FNDC7: variants seen among roughly 807,000 people sequenced by gnomAD.
The protein encoded by FNDC7 is fibronectin type III domain containing 7.
FNDC7 carries 66 observed loss-of-function variants against 74.2 expected under a neutral mutation model. The observed-to-expected ratio is 0.89, with a 90% CI of 0.73 to 1.09. The LOEUF is 1.09. FNDC7 is among the 50% of genes least tolerant of loss of function. The probability of loss-of-function intolerance (pLI) is 0.00; values close to 1 mark genes in which losing one functional copy is unlikely to be tolerated. For missense variants in FNDC7, 829 were observed against 893.4 expected, an observed-to-expected ratio of 0.93 and a Z score of 0.92; for synonymous variants, 307 against 330.2, an observed-to-expected ratio of 0.93 and a Z score of 0.76.
chr1:108,733,437 C>T lies in FNDC7; in HGVS notation c.2045C>T (p.Thr682Ile), dbSNP rs142066794. ...PSAGLSFCDV[T>I]EIPCGDVYTV... Reference sequence around the variant, plus strand: ...GCTGGCCTCAGTTTCTGTGATGTCACTGAGATACCCTGTGGGGATGTATAC... The same window carrying T: ...GCTGGCCTCAGTTTCTGTGATGTCATTGAGATACCCTGTGGGGATGTATAC... Residue 682 changes from threonine (T) to isoleucine (I), a missense_variant, in exon 10 of 13, where the codon ACT (threonine) becomes ATT (isoleucine). Physicochemically the swap from Thr to Ile is moderately conservative, Grantham distance 89 (BLOSUM62 -1). Transcript: ENST00000370017. The T allele has an allele frequency of 1.2e-6, 2 of 1,614,122 alleles. No individual in the cohort carries two copies. Among genetic ancestry groups the T allele is most frequent in the Non-Finnish European group, 8.5e-7 (1 of 1,180,032 alleles).
chr1:108,737,207 G>A (rs1661536074), intron 10 of FNDC7, among the ~76,000 whole-genome samples: 1 of 152,042 alleles, frequency 6.6e-6, no homozygotes, highest in Admixed American at 6.6e-5. Flanking sequence ...CCTGACCTCA[G>A]GTATCTGCCC....
rs1186033079 is a variant in FNDC7, at chr1:108,728,082, A to G, written c.1369+17A>G. ...TAACCACAGGTAAGGCACAGCTATC[A>G]TTCCACTCACTGGTGTCTGAATGAT... On this transcript the variant is annotated intron_variant, in intron 7 of 12. Transcript: ENST00000370017. 2.5e-6 allele frequency: 4 copies of G among 1,607,382 alleles called. No individual in the cohort carries two copies. The highest frequency in any genetic ancestry group is 3.4e-6 in the Non-Finnish European group (4 of 1,176,070).
chr1:108,728,177 A>G (rs1661262209), intron 7 of FNDC7, 112 bp downstream of exon 7: 2 of 1,330,486 alleles, frequency 1.5e-6, no homozygotes, highest in Non-Finnish European at 2.1e-6. Flanking sequence ...CCATTAATCA[A>G]TCTTTGTGGA....
chr1:108,727,325 T>C lies in FNDC7; in HGVS notation c.1112-483T>C, dbSNP rs552194371. Among the ~76,000 whole-genome samples, 6 of 152,042 alleles carry C rather than the reference T, an allele frequency of 3.9e-5. No homozygotes were observed. The East Asian group carries it at 1.2e-3, about 29-fold the overall frequency. On this transcript the variant is annotated intron_variant, in intron 6 of 12. Transcript: ENST00000370017. ...GGGTGGCAGAGCAAGACCCTGTCTC[T>C]TTGAAAAAACAAAACAACAACAACA...
intron 2 of FNDC7, among the ~76,000 whole-genome samples, chr1:108,715,917 T>G (rs1570722859): frequency 1.3e-5 from 2 of 152,058 alleles, no homozygotes; most frequent in East Asian, 3.9e-4. Context: ...TCCAAACCCT[T>G]TGCTATTTTC....
chr1:108,718,140 A>G (rs1661020507), intron 3 of FNDC7, 109 bp downstream of exon 3: 12 of 1,370,246 alleles, frequency 8.8e-6, no homozygotes, highest in East Asian at 5.0e-5. Flanking sequence ...AGTGCCTACA[A>G]TTCAAGGCCC....
chr1:108,724,034 T>A (rs749515873), intron 5 of FNDC7, among the ~76,000 whole-genome samples: 4 of 152,232 alleles, frequency 2.6e-5, no homozygotes, highest in Non-Finnish European at 5.9e-5. Flanking sequence ...CTACGGTGTG[T>A]CTCCTGGGGC....
Position 108,742,577 on chromosome 1 carries a change from G to C in FNDC7, c.*690G>C, listed in dbSNP as rs1179939506. The C allele has an allele frequency of 6.6e-6, 1 of 152,212 alleles. No homozygotes were observed. The highest frequency in any genetic ancestry group is 1.5e-5 in the Non-Finnish European group (1 of 68,050). The allele number at this position is 152,212 out of a possible 1,614,324, so 9.4% of individuals were successfully genotyped here. ...GGTTGCAGTTATGCTTTCTGCATGA[G>C]AGAAGATGTCAAATGGAGAGCCTCA... On this transcript the variant is annotated 3_prime_UTR_variant, in exon 13 of 13. Coordinates refer to ENST00000370017, the MANE Select transcript of FNDC7 (RefSeq NM_001144937.3).
At chr1:108,713,400 G>T (rs1014824977) in intron 1 of FNDC7, 111 bp from the exon 2 acceptor site, 40 of 893,378 alleles carry the variant, frequency 4.5e-5, no homozygotes, top group Non-Finnish European at 6.5e-5. Context: ...GACTGCTCAC[G>T]TTAGATGTAA....
In FNDC7 at chr1:108,738,085, C is replaced by T. The variant is rs1319611986; in HGVS notation, c.2170+561C>T. Among the ~76,000 whole-genome samples the T allele has an allele frequency of 2.0e-5, 3 of 152,184 alleles. No homozygotes were observed. In the East Asian group the frequency reaches 5.8e-4, roughly 29 times the overall value. ...CTGATTTGGTCGGTGTAGGAAGTGT[C>T]TGAGACTCCGTATTTCCATAAGGTC... On this transcript the variant is annotated intron_variant, in intron 11 of 12. Transcript: ENST00000370017.
Position 108,741,986 on chromosome 1 carries a change from G to A in FNDC7, c.*99G>A. ...ATCTACTAGAATGTAGAATAAAAAT[G>A]CCTCTAGGATAGGAAAAGCTCCTTT... On this transcript the variant is annotated 3_prime_UTR_variant, in exon 13 of 13. Coordinates refer to ENST00000370017, the MANE Select transcript of FNDC7 (RefSeq NM_001144937.3). 1 of 668,508 alleles carries A rather than the reference G, an allele frequency of 1.5e-6. No homozygotes were observed. The highest frequency in any genetic ancestry group is 2.5e-6 in the Non-Finnish European group (1 of 395,714). 41.4% of individuals were successfully genotyped at this position (668,508 alleles called of 1,614,324 possible).
chr1:108,722,240 G>C, intron 4 of FNDC7, 95 bp from the exon 5 acceptor site: 1 of 1,240,894 alleles, frequency 8.1e-7, no homozygotes, highest in Non-Finnish European at 1.1e-6. Context: ...CAACTATTGG[G>C]TACCTTATCC....
At chr1:108,720,419 T>A (rs1032086708) in intron 4 of FNDC7, among the ~76,000 whole-genome samples, 14 of 152,234 alleles carry the variant, frequency 9.2e-5, no homozygotes, top group African/African-American at 3.4e-4. Flanking sequence ...AGCATCTTCA[T>A]CAGGCTGGGG....
At chr1:108,718,710 T>C in intron 3 of FNDC7, 79 bp from the exon 4 acceptor site, 1 of 1,403,118 alleles carries the variant, frequency 7.1e-7, no homozygotes, top group Non-Finnish European at 9.7e-7. Flanking sequence ...ATTATGGATA[T>C]CAATTTACTT....
In FNDC7 at chr1:108,717,779, C is replaced by A. The variant is rs781728682; in HGVS notation, c.85C>A (p.Pro29Thr). The A allele has an allele frequency of 1.9e-6, 3 of 1,551,508 alleles. No individual in the cohort carries two copies. Among genetic ancestry groups the A allele is most frequent in the Non-Finnish European group, 1.7e-6 (2 of 1,146,930 alleles). The change falls in exon 3 of 13, where the codon CCT becomes ACT. Residue 29 changes from proline (P) to threonine (T), a missense_variant and splice_region_variant. Physicochemically the swap from Pro to Thr is conservative, Grantham distance 38. Transcript: ENST00000370017. ...LKMVASAKSA[P>T]EIPTIDQAYS... ...TACAACTCTAAAACCTCTTTCAGCT[C>A]CTGAAATACCCACTATTGATCAGGC...
intron 5 of FNDC7, 131 bp downstream of exon 5, chr1:108,722,723 A>C: frequency 9.7e-7 from 1 of 1,031,626 alleles, no homozygotes; most frequent in Non-Finnish European, 1.3e-6. Context: ...GAAAGCATAG[A>C]GTTGGACATT....
intron 2 of FNDC7, among the ~76,000 whole-genome samples, chr1:108,715,713 C>A (rs1660958636): frequency 6.6e-6 from 1 of 152,130 alleles, no homozygotes; most frequent in Non-Finnish European, 1.5e-5. Flanking sequence ...CCCTAACATA[C>A]ATTATTTCAC....
intron 10 of FNDC7, among the ~76,000 whole-genome samples, chr1:108,736,934 C>T (rs1661528476): frequency 6.7e-6 from 1 of 150,280 alleles, no homozygotes; most frequent in South Asian, 2.1e-4. Flanking sequence ...TTAACTCAGT[C>T]CTTACAACAA....
At chr1:108,731,130 T>C (rs948469129) in intron 9 of FNDC7, among the ~76,000 whole-genome samples, 2 of 152,222 alleles carry the variant, frequency 1.3e-5, no homozygotes, top group Non-Finnish European at 2.9e-5. Context: ...GTTGGTGAAT[T>C]AACTCCCCTA....
Sources: gnomAD v4.1 joint callset for allele counts (sites outside exome capture counted in the v4.1 genomes callset) on GRCh38, gnomAD v4.1.1 for gene constraint, MANE v1.5 for transcripts, NCBI Gene and HGNC (gene_info 2026-07-23, HGNC 2026-07-21) for gene names.